The following COL25A1 variants were observed in gnomAD, a reference collection of about 807,000 sequenced individuals.
The protein encoded by COL25A1 is collagen alpha-1(XXV) chain.
Under a neutral mutation model 128.4 loss-of-function variants are expected in COL25A1, and 103 were observed. That is an observed-to-expected ratio of 0.80 (90% CI 0.68 to 0.94). The LOEUF (loss-of-function observed/expected upper bound fraction) is 0.94. Ranked by LOEUF, COL25A1 falls within the 40% of genes least tolerant of loss-of-function variation. The pLI is 0.00. For synonymous variants in COL25A1, 279 were observed against 277.2 expected, an observed-to-expected ratio of 1.01 and a Z score of -0.06; for missense variants, 745 against 840.0, an observed-to-expected ratio of 0.89 and a Z score of 1.40.
intron 16 of COL25A1, among the ~76,000 whole-genome samples, chr4:108,890,770 C>T (rs945171022): frequency 1.3e-5 from 2 of 152,252 alleles, no homozygotes; most frequent in South Asian, 4.1e-4. Context: ...GTTCTAGATT[C>T]CAGAAGCTGC....
At chr4:109,239,646 G>C (rs897071752) in intron 3 of COL25A1, among the ~76,000 whole-genome samples, 1 of 151,542 alleles carries the variant, frequency 6.6e-6, no homozygotes, top group Non-Finnish European at 1.5e-5. Context: ...TGAGTGGTGA[G>C]TGAATGGGAA....
intron 11 of COL25A1, among the ~76,000 whole-genome samples, chr4:108,936,645 A>G (rs1027461084): frequency 2.0e-5 from 3 of 151,824 alleles, no homozygotes; most frequent in Non-Finnish European, 4.4e-5. Flanking sequence ...TGAGATCTGG[A>G]CCCAGAATGC....
chr4:108,915,918 A>G (rs759829866), intron 13 of COL25A1, among the ~76,000 whole-genome samples: 20 of 152,200 alleles, frequency 1.3e-4, no homozygotes, highest in Non-Finnish European at 2.8e-4. Context: ...AGAGTTCAAG[A>G]TTCCAGAAAA....
chr4:109,011,673 C>T (rs1450222798), intron 5 of COL25A1, among the ~76,000 whole-genome samples: 3 of 152,290 alleles, frequency 2.0e-5, no homozygotes, highest in Admixed American at 2.0e-4. Flanking sequence ...TATAGAAAAG[C>T]CAGAATTTAA....
chr4:109,098,274 G>T (rs1372958196), intron 3 of COL25A1, among the ~76,000 whole-genome samples: 5 of 152,128 alleles, frequency 3.3e-5, no homozygotes, highest in African/African-American at 1.2e-4. Flanking sequence ...AGTGTCTGTG[G>T]GCCAAGGGAA....
chr4:108,882,684 G>T (rs552277904), intron 19 of COL25A1, among the ~76,000 whole-genome samples: 85 of 152,132 alleles, frequency 5.6e-4, no homozygotes, highest in African/African-American at 1.9e-3. Flanking sequence ...AAATGATAAG[G>T]AAGTGACTTC....
intron 30 of COL25A1, among the ~76,000 whole-genome samples, chr4:108,844,259 T>C (rs919801165): frequency 1.3e-5 from 2 of 152,220 alleles, no homozygotes; most frequent in African/African-American, 4.8e-5. Context: ...CACTGTAAAG[T>C]TGTAGTAGAG....
At chr4:109,101,482 G>T (rs1168897247) in intron 3 of COL25A1, among the ~76,000 whole-genome samples, 1 of 152,166 alleles carries the variant, frequency 6.6e-6, no homozygotes, top group Admixed American at 6.6e-5. Context: ...AGGGTAATTT[G>T]GGAGAGCGGG....
chr4:109,057,865 A>G (rs1761594706), intron 3 of COL25A1, among the ~76,000 whole-genome samples: 1 of 152,170 alleles, frequency 6.6e-6, no homozygotes, highest in South Asian at 2.1e-4. Flanking sequence ...GCTATTTATT[A>G]ATTTTATAAG....
intron 6 of COL25A1, among the ~76,000 whole-genome samples, chr4:108,988,082 C>T (rs572780549): frequency 1.3e-5 from 2 of 152,306 alleles, no homozygotes; most frequent in South Asian, 2.1e-4. Context: ...TATACTACCA[C>T]GTGACCTTTG....
intron 3 of COL25A1, among the ~76,000 whole-genome samples, chr4:109,057,532 T>C (rs948019232): frequency 9.6e-5 from 14 of 145,286 alleles, no homozygotes; most frequent in African/African-American, 3.2e-4. Flanking sequence ...CCTGCCGGCC[T>C]TTGCCTCCCA....
intron 3 of COL25A1, among the ~76,000 whole-genome samples, chr4:109,147,427 G>A (rs369146844): frequency 1.4e-3 from 211 of 152,278 alleles, no homozygotes; most frequent in African/African-American, 4.5e-3. Context: ...ATTAGTTAAG[G>A]AGAAACTGCT....
chr4:108,833,268 C>A (rs1333075551), intron 31 of COL25A1, among the ~76,000 whole-genome samples: 1 of 152,204 alleles, frequency 6.6e-6, no homozygotes, highest in Non-Finnish European at 1.5e-5. Context: ...GGAAAGGAAT[C>A]ATTCTTACAG....
chr4:109,001,372 C>CAGCCATCTGAGATCCTGTCAGGT, intron 6 of COL25A1, among the ~76,000 whole-genome samples: 1 of 24,148 alleles, frequency 4.1e-5, no homozygotes, highest in East Asian at 1.6e-3. Context: ...TTAAAAGAAA[C>CAGCCATCTGAGATCCTGTCAGGT]AGGCATCTGA....
At chr4:109,291,708 G>T (rs1384517214) in intron 3 of COL25A1, among the ~76,000 whole-genome samples, 1 of 151,920 alleles carries the variant, frequency 6.6e-6, no homozygotes, top group East Asian at 1.9e-4. Context: ...TATAAGGGAA[G>T]AAATTTGAAG....
intron 13 of COL25A1, among the ~76,000 whole-genome samples, chr4:108,915,393 G>A (rs1181894120): frequency 6.6e-6 from 1 of 151,992 alleles, no homozygotes; most frequent in East Asian, 1.9e-4. Flanking sequence ...TAGAGACAGG[G>A]TTTCACCATG....
At chr4:108,892,278 A>G (rs750984953) in intron 16 of COL25A1, among the ~76,000 whole-genome samples, 8 of 152,200 alleles carry the variant, frequency 5.3e-5, no homozygotes, top group Non-Finnish European at 1.0e-4. Flanking sequence ...AGGAAATACT[A>G]TGAGAAGATA....
intron 5 of COL25A1, among the ~76,000 whole-genome samples, chr4:109,034,868 G>A (rs976002226): frequency 6.6e-6 from 1 of 151,888 alleles, no homozygotes; most frequent in Middle Eastern, 3.2e-3. Flanking sequence ...TCCACTATGG[G>A]GTTTTGTATT....
chr4:109,037,373 G>A (rs1197536354), intron 5 of COL25A1, among the ~76,000 whole-genome samples: 1 of 152,130 alleles, frequency 6.6e-6, no homozygotes, highest in Non-Finnish European at 1.5e-5. Context: ...AGGTATGATG[G>A]ATCCAAAGCC....
Sources: gnomAD v4.1 joint callset for allele counts (sites outside exome capture counted in the v4.1 genomes callset) on GRCh38, gnomAD v4.1.1 for gene constraint, MANE v1.5 for transcripts, NCBI Gene and HGNC (gene_info 2026-07-23, HGNC 2026-07-21) for gene names.